MID1: variants seen among roughly 807,000 people sequenced by gnomAD.
MID1 encodes the protein midline 1.
MID1 carries 7 observed loss-of-function variants against 40.4 expected under a neutral mutation model. That is an observed-to-expected ratio of 0.17 (90% CI 0.10 to 0.33). MID1 has a LOEUF of 0.33. Among genes scored for constraint, MID1 ranks in the 10% least tolerant of loss-of-function variants. MID1 has a pLI of 1.00. For synonymous variants in MID1, 229 were observed against 221.2 expected, an observed-to-expected ratio of 1.04 and a Z score of -0.31; for missense variants, 367 against 558.5, an observed-to-expected ratio of 0.66 and a Z score of 3.46.
intron 1 of MID1, among the ~76,000 whole-genome samples, chrX:10,669,656 C>T (rs1251957430): frequency 8.9e-6 from 1 of 111,917 alleles, no homozygotes; most frequent in Non-Finnish European, 1.9e-5. Flanking sequence ...GAACAGATGT[C>T]ACCTTGAATG....
At chrX:10,676,420 C>T (rs2043023618) in intron 1 of MID1, among the ~76,000 whole-genome samples, 1 of 111,650 alleles carries the variant, frequency 9.0e-6, no homozygotes, top group Admixed American at 9.5e-5. Context: ...CCTTCTGACC[C>T]CTGCGCTTCA....
At position 10,828,257 on chromosome X, in the gene MID1, C is replaced by A. The variant is rs756312853; in HGVS notation, c.-187+5297G>T. On this transcript the variant is annotated intron_variant, in intron 1 of 10. Transcript: ENST00000380785. The stretch of plus-strand genomic sequence containing the variant: ...TGCCTTAGCAAAGAGTGAACTCTTG[C>A]CAAGATATGTTAGCGCATGGGATAC... 2.0e-4 allele frequency among the ~76,000 whole-genome samples: 22 copies of A among 111,710 alleles called. 1 individual carries two copies. The highest frequency in any genetic ancestry group is 9.3e-3 in the Middle Eastern group (2 of 216).
At chrX:10,641,524 A>T (rs1443270175) in intron 1 of MID1, among the ~76,000 whole-genome samples, 1 of 111,988 alleles carries the variant, frequency 8.9e-6, no homozygotes, top group East Asian at 2.8e-4. Context: ...TGAGGCAATA[A>T]GTAGCCTACC....
chrX:10,542,399 C>T (rs907422996), intron 2 of MID1, among the ~76,000 whole-genome samples: 25 of 111,523 alleles, frequency 2.2e-4, no homozygotes, highest in African/African-American at 7.2e-4. Context: ...TTATAGTTCA[C>T]GACTTAGCAA....
chrX:10,804,045 A>G (rs1301667698), intron 1 of MID1, among the ~76,000 whole-genome samples: 1 of 111,458 alleles, frequency 9.0e-6, no homozygotes, highest in African/African-American at 3.3e-5. Flanking sequence ...GGCCATGTAC[A>G]GTCTGTGGAT....
At chrX:10,551,981 G>C (rs772450026) in intron 2 of MID1, among the ~76,000 whole-genome samples, 2 of 110,185 alleles carry the variant, frequency 1.8e-5, no homozygotes, top group East Asian at 5.7e-4. Flanking sequence ...GTAGAGACAA[G>C]GTTTCACTAT....
intron 1 of MID1, among the ~76,000 whole-genome samples, chrX:10,794,860 C>T (rs1016960372): frequency 2.7e-5 from 3 of 111,202 alleles, no homozygotes; most frequent in Non-Finnish European, 5.7e-5. Context: ...AACAGTTGAT[C>T]CATTAAGAGA....
At chrX:10,570,552 C>A (rs1333567393) in intron 1 of MID1, among the ~76,000 whole-genome samples, 3 of 112,496 alleles carry the variant, frequency 2.7e-5, no homozygotes, top group African/African-American at 9.7e-5. Context: ...CTCAAACATT[C>A]ATTGATTCCA....
intron 1 of MID1, among the ~76,000 whole-genome samples, chrX:10,640,364 C>T (rs1306114867): frequency 9.0e-6 from 1 of 110,811 alleles, no homozygotes; most frequent in Non-Finnish European, 1.9e-5. Flanking sequence ...GGGTTGCAAT[C>T]CTAGTCTCTG....
At chrX:10,706,960 T>C (rs1039484003) in intron 1 of MID1, among the ~76,000 whole-genome samples, 1 of 111,751 alleles carries the variant, frequency 8.9e-6, no homozygotes, top group Non-Finnish European at 1.9e-5. Context: ...TGACTCATAA[T>C]TGGGTCTAAC....
At chrX:10,449,830 C>A (rs1039332239) in intron 9 of MID1, 114 bp from the exon 10 acceptor site, 4 of 597,144 alleles carry the variant, frequency 6.7e-6, no homozygotes, top group Non-Finnish European at 1.1e-5. Context: ...TGTCCCTGTT[C>A]ATTTTCTTTA....
chrX:10,611,831 A>T (rs909374543), intron 1 of MID1, among the ~76,000 whole-genome samples: 1 of 111,626 alleles, frequency 9.0e-6, no homozygotes, highest in African/African-American at 3.2e-5. Flanking sequence ...GAAATAAACA[A>T]GAATGTGGAA....
chrX:10,748,086 G>A (rs1185815793), intron 1 of MID1, among the ~76,000 whole-genome samples: 1 of 110,788 alleles, frequency 9.0e-6, no homozygotes, highest in Non-Finnish European at 1.9e-5. Flanking sequence ...AGCTTATATA[G>A]TCTTTCTGTC....
chrX:10,492,988 A>G (rs1362741714), intron 4 of MID1, among the ~76,000 whole-genome samples: 1 of 111,943 alleles, frequency 8.9e-6, no homozygotes, highest in African/African-American at 3.3e-5. Context: ...GGGAAGTCCA[A>G]GCTAAGTAAG....
chrX:10,816,176 TTAA>T (rs1214536520), intron 1 of MID1, among the ~76,000 whole-genome samples: 1 of 111,646 alleles, frequency 9.0e-6, no homozygotes, highest in South Asian at 3.7e-4. Context: ...TTTAAATAAA[TTAA>T]TAATAATAAT....
chrX:10,619,143 G>C (rs1013226515), intron 1 of MID1, among the ~76,000 whole-genome samples: 4 of 111,991 alleles, frequency 3.6e-5, no homozygotes, highest in African/African-American at 9.8e-5. Flanking sequence ...AGAAGGCGGA[G>C]GGTTTGCGCT....
chrX:10,797,742 C>T (rs2043976619), intron 1 of MID1, among the ~76,000 whole-genome samples: 1 of 111,830 alleles, frequency 8.9e-6, no homozygotes, highest in Non-Finnish European at 1.9e-5. Flanking sequence ...TTAAGGAAAT[C>T]ATGAGTCAAC....
intron 1 of MID1, among the ~76,000 whole-genome samples, chrX:10,785,336 A>C (rs1308265279): frequency 9.0e-6 from 1 of 111,088 alleles, no homozygotes; most frequent in East Asian, 2.8e-4. Flanking sequence ...CAAATGGAAG[A>C]ACATTCCATG....
chrX:10,690,424 T>G (rs1326726130), intron 1 of MID1, among the ~76,000 whole-genome samples: 1 of 112,271 alleles, frequency 8.9e-6, no homozygotes, highest in Non-Finnish European at 1.9e-5. Context: ...GATTTGCACT[T>G]TGTGACAATA....
Sources: gnomAD v4.1 joint callset for allele counts (sites outside exome capture counted in the v4.1 genomes callset) on GRCh38, gnomAD v4.1.1 for gene constraint, MANE v1.5 for transcripts, NCBI Gene and HGNC (gene_info 2026-07-23, HGNC 2026-07-21) for gene names.